Variants in WWOX observed in about 807,000 individuals in gnomAD.
WWOX encodes WW domain-containing oxidoreductase.
In WWOX, 69 loss-of-function variants were observed where a neutral mutation model predicts 46.2. The ratio of observed to expected loss-of-function variants is 1.49; its 90% CI spans 1.23 to 1.82. The LOEUF (loss-of-function observed/expected upper bound fraction) is 1.82, where lower values mean the gene tolerates loss of function less well. Ranked by LOEUF, WWOX falls within the 40% of genes most tolerant of loss-of-function variation. WWOX has a pLI of 0.00. For synonymous variants in WWOX, 359 were observed against 202.6 expected, an observed-to-expected ratio of 1.77 and a Z score of -6.56; for missense variants, 919 against 542.6, an observed-to-expected ratio of 1.69 and a Z score of -6.89.
chr16:78,954,458 G>T (rs1567435015), intron 8 of WWOX, among the ~76,000 whole-genome samples: 1 of 152,182 alleles, frequency 6.6e-6, no homozygotes, highest in Non-Finnish European at 1.5e-5. Context: ...TAGATGAATG[G>T]TGAAACTTTT....
At chr16:78,327,229 G>T (rs955349707) in intron 5 of WWOX, among the ~76,000 whole-genome samples, 15 of 152,180 alleles carry the variant, frequency 9.9e-5, no homozygotes, top group Admixed American at 3.3e-4. Context: ...GATGATAAAT[G>T]GATGTGTCAT....
intron 8 of WWOX, among the ~76,000 whole-genome samples, chr16:78,980,461 A>G (rs1013619098): frequency 2.6e-5 from 4 of 152,158 alleles, no homozygotes; most frequent in Non-Finnish European, 5.9e-5. Context: ...TCAAACCTCA[A>G]TTTTCACAAT....
chr16:78,292,072 T>A (rs2079868941), intron 5 of WWOX, among the ~76,000 whole-genome samples: 1 of 151,212 alleles, frequency 6.6e-6, no homozygotes, highest in African/African-American at 2.4e-5. Context: ...CCTTTTTTTT[T>A]TTTTTTTTTC....
At chr16:78,839,210 C>T (rs562759767) in intron 8 of WWOX, among the ~76,000 whole-genome samples, 13 of 152,222 alleles carry the variant, frequency 8.5e-5, no homozygotes, top group Admixed American at 7.2e-4. Context: ...CACCCACGAG[C>T]CCACCACCCA....
At chr16:78,819,652 C>T (rs1029129726) in intron 8 of WWOX, among the ~76,000 whole-genome samples, 1 of 152,216 alleles carries the variant, frequency 6.6e-6, no homozygotes, top group Non-Finnish European at 1.5e-5. Flanking sequence ...ATAAAAGTTG[C>T]TAACACCACC....
chr16:78,352,022 G>A (rs1370286928), intron 5 of WWOX, among the ~76,000 whole-genome samples: 1 of 152,172 alleles, frequency 6.6e-6, no homozygotes, highest in Non-Finnish European at 1.5e-5. Flanking sequence ...GGGAGCAGTT[G>A]ATGATCCAGA....
At chr16:78,942,351 C>T (rs532475045) in intron 8 of WWOX, among the ~76,000 whole-genome samples, 7 of 152,270 alleles carry the variant, frequency 4.6e-5, no homozygotes, top group Admixed American at 4.6e-4. Flanking sequence ...TCAAGAACCT[C>T]TAGCGCAGCC....
chr16:78,504,187 A>G (rs1450682747), intron 8 of WWOX, among the ~76,000 whole-genome samples: 1 of 152,254 alleles, frequency 6.6e-6, no homozygotes, highest in East Asian at 1.9e-4. Flanking sequence ...CCAGGTGTAT[A>G]GAAATGCATC....
chr16:78,474,905 G>A (rs1021744325), intron 8 of WWOX, among the ~76,000 whole-genome samples: 1 of 152,046 alleles, frequency 6.6e-6, no homozygotes, highest in Non-Finnish European at 1.5e-5. Flanking sequence ...TAATTTTTCA[G>A]TTCCTTGTTT....
chr16:78,906,476 C>G (rs150955433), intron 8 of WWOX, among the ~76,000 whole-genome samples: 470 of 152,100 alleles, frequency 3.1e-3, no homozygotes, highest in Non-Finnish European at 5.2e-3. Flanking sequence ...AGGGAGTTTT[C>G]TGTCTTTGTC....
Position 79,062,124 on chromosome 16 carries a change from C to G in WWOX, c.1057-149484C>G, listed in dbSNP as rs551772352. 2.6e-5 allele frequency among the ~76,000 whole-genome samples: 4 copies of G among 152,316 alleles called. No homozygotes were observed. In the South Asian group the frequency reaches 6.2e-4, roughly 24 times the overall value. On this transcript the variant is annotated intron_variant, in intron 8 of 8. Transcript: ENST00000566780. Reference sequence around the variant, plus strand: ...CACGTGATCTCATAGCACAGAATGACTGGCCACCCCAGACTGAAGGTTAGG... The same window carrying G: ...CACGTGATCTCATAGCACAGAATGAGTGGCCACCCCAGACTGAAGGTTAGG...
At chr16:78,501,657 C>A (rs1339052565) in intron 8 of WWOX, among the ~76,000 whole-genome samples, 1 of 152,058 alleles carries the variant, frequency 6.6e-6, no homozygotes, top group African/African-American at 2.4e-5. Context: ...CTGCCTCAGC[C>A]TTCCGAGTAA....
At chr16:78,489,637 C>A (rs74030534) in intron 8 of WWOX, among the ~76,000 whole-genome samples, 23 of 152,178 alleles carry the variant, frequency 1.5e-4, no homozygotes, top group Non-Finnish European at 3.1e-4. Context: ...TTCTTTGTGA[C>A]CTGATAGTCT....
intron 8 of WWOX, among the ~76,000 whole-genome samples, chr16:78,671,654 A>G (rs895703886): frequency 3.3e-5 from 5 of 152,206 alleles, no homozygotes. Context: ...ATTTTAAGGC[A>G]CAAATGAGAC....
intron 5 of WWOX, among the ~76,000 whole-genome samples, chr16:78,229,212 A>C (rs2037165996): frequency 6.6e-6 from 1 of 151,734 alleles, no homozygotes; most frequent in African/African-American, 2.4e-5. Flanking sequence ...TCATACTCAG[A>C]AGGACTTTAT....
In WWOX at chr16:79,060,208, A is replaced by G. The variant is rs539532310; in HGVS notation, c.1057-151400A>G. On this transcript the variant is annotated intron_variant, in intron 8 of 8. Transcript: ENST00000566780. ...CAAGCCTCATTTTTCTTGCTAATTTATTTCCTTGAACTTGGTGAGATTCTA... is the reference window on the plus strand; with the variant it reads ...CAAGCCTCATTTTTCTTGCTAATTTGTTTCCTTGAACTTGGTGAGATTCTA... 8.5e-5 allele frequency among the ~76,000 whole-genome samples: 13 copies of G among 152,270 alleles called. 1 individual carries two copies. Among genetic ancestry groups the G allele is most frequent in the African/African-American group, 3.1e-4 (13 of 41,572 alleles).
chr16:79,000,102 C>T (rs999998427), intron 8 of WWOX, among the ~76,000 whole-genome samples: 1 of 152,190 alleles, frequency 6.6e-6, no homozygotes, highest in South Asian at 2.1e-4. Context: ...TGTGTCTGAG[C>T]AGGCTTCCCA....
intron 8 of WWOX, among the ~76,000 whole-genome samples, chr16:78,986,267 A>G (rs1447639372): frequency 3.3e-5 from 5 of 152,208 alleles, no homozygotes; most frequent in Non-Finnish European, 5.9e-5. Context: ...AATCAGTTTT[A>G]CAAAGATGCC....
chr16:78,963,483 TAAAC>T (rs1306942897), intron 8 of WWOX, among the ~76,000 whole-genome samples: 2 of 152,094 alleles, frequency 1.3e-5, no homozygotes, highest in African/African-American at 2.4e-5. Flanking sequence ...CAAAAACAAA[TAAAC>T]AAACAAAAAG....
Sources: allele counts gnomAD v4.1 joint callset (sites outside exome capture counted in the v4.1 genomes callset), GRCh38; gene constraint gnomAD v4.1.1; transcripts MANE v1.5; gene names NCBI Gene and HGNC (gene_info 2026-07-23, HGNC 2026-07-21).